The following TMPRSS5 variants were observed in gnomAD, a reference collection of about 807,000 sequenced individuals.
TMPRSS5 encodes transmembrane protease serine 5.
Under a neutral mutation model 59.7 loss-of-function variants are expected in TMPRSS5, and 45 were observed. That is an observed-to-expected ratio of 0.75 (90% CI 0.59 to 0.97). TMPRSS5 has a LOEUF of 0.97. Ranked by LOEUF, TMPRSS5 falls within the 50% of genes least tolerant of loss-of-function variation. TMPRSS5 has a pLI of 0.00. For synonymous variants in TMPRSS5, 225 were observed against 232.0 expected, an observed-to-expected ratio of 0.97 and a Z score of 0.27; for missense variants, 585 against 596.7, an observed-to-expected ratio of 0.98 and a Z score of 0.20.
chr11:113,699,743 G>T, intron 2 of TMPRSS5, 50 bp from the exon 3 acceptor site: 1 of 1,527,640 alleles, frequency 6.5e-7, no homozygotes, highest in Non-Finnish European at 8.9e-7. Flanking sequence ...CTGCCAGCCT[G>T]CCTTACTTCA....
At position 113,696,897 on chromosome 11, in the gene TMPRSS5, G is replaced by A; in HGVS notation, c.539C>T (p.Pro180Leu). Residue 180 changes from proline (P) to leucine (L), a missense_variant, in exon 6 of 13, where the codon CCT (proline) becomes CTT (leucine). By Grantham distance (98) the Pro-to-Leu change is moderately conservative. Transcript: ENST00000299882. The part of the protein sequence containing the change: ...NSSQEFAQLS[P>L]RLGGFLEEAW... Reference sequence around the variant, plus strand: ...CTCCTCCAGGAAGCCTCCCAGTCTAGGAGAGAGCTGAGCAAACTCCTGGGA... The same window carrying A: ...CTCCTCCAGGAAGCCTCCCAGTCTAAGAGAGAGCTGAGCAAACTCCTGGGA... The A allele has an allele frequency of 6.3e-7, 1 of 1,575,776 alleles. No individual in the cohort carries two copies. The highest frequency in any genetic ancestry group is 8.6e-7 in the Non-Finnish European group (1 of 1,159,896).
At position 113,690,525 on chromosome 11, in the gene TMPRSS5, T is replaced by C. The variant is rs11601435; in HGVS notation, c.1064-152A>G. Among the ~76,000 whole-genome samples the C allele has an allele frequency of 0.17, 25,346 of 151,678 alleles. 2,179 individuals are homozygous for C. The highest frequency in any genetic ancestry group is 0.19 in the Middle Eastern group (56 of 294). On this transcript the variant is annotated intron_variant, in intron 10 of 12. Coordinates refer to ENST00000299882, the MANE Select transcript of TMPRSS5 (RefSeq NM_030770.4). ...CTGTGGACGCTGAGCAAGGAAGCAG[T>C]AGGCTATCGGACTTGGGGGCTGGGA...
At chr11:113,700,735 G>A (rs1445447936) in intron 1 of TMPRSS5, among the ~76,000 whole-genome samples, 1 of 152,202 alleles carries the variant, frequency 6.6e-6, no homozygotes, top group African/African-American at 2.4e-5. Context: ...GATAAGTCAT[G>A]TAAAGCACTA....
chr11:113,699,756 C>G, intron 2 of TMPRSS5, 63 bp from the exon 3 acceptor site: 1 of 1,509,358 alleles, frequency 6.6e-7, no homozygotes, highest in East Asian at 2.5e-5. Context: ...TTACTTCACC[C>G]TAAGTCACCA....
chr11:113,690,497 G>C lies in TMPRSS5; in HGVS notation c.1064-124C>G, dbSNP rs536559824. ...ACCCAAAGAGGCGAGCCCAGGGTGG[G>C]AGCTGTGGACGCTGAGCAAGGAAGC... On this transcript the variant is annotated intron_variant, in intron 10 of 12. Coordinates refer to ENST00000299882, the MANE Select transcript of TMPRSS5 (RefSeq NM_030770.4). The C allele has an allele frequency of 1.5e-4, 212 of 1,413,018 alleles. 9 individuals carry two copies. In the South Asian group the frequency reaches 2.8e-3, roughly 19 times the overall value. The allele number at this position is 1,413,018 out of a possible 1,614,324, so 87.5% of individuals were successfully genotyped here.
At position 113,706,215 on chromosome 11, in the gene TMPRSS5, AC is replaced by A. The variant is rs1565269878; in HGVS notation, c.3+6del. On this transcript the variant is annotated splice_donor_region_variant and intron_variant, in intron 1 of 12. Transcript: ENST00000299882. ...ACAGCAGGGATGGCACAGAGACGTA[AC>A]CTTACCATAGGGGTCAGTGGCACTG... 2.5e-6 allele frequency: 4 copies of A among 1,601,054 alleles called. No individual in the cohort carries two copies. Among genetic ancestry groups the A allele is most frequent in the Non-Finnish European group, 3.4e-6 (4 of 1,174,062 alleles).
chr11:113,695,252 A>G, intron 7 of TMPRSS5, 148 bp downstream of exon 7: 1 of 787,672 alleles, frequency 1.3e-6, no homozygotes, highest in South Asian at 1.7e-5. Flanking sequence ...AGCAACTGCA[A>G]GAAGGGGCCT....
chr11:113,690,761 G>T, intron 10 of TMPRSS5, 80 bp downstream of exon 10: 1 of 1,271,992 alleles, frequency 7.9e-7, no homozygotes, highest in Non-Finnish European at 1.1e-6. Flanking sequence ...ATGTGGCCAG[G>T]GGATGTGGCC....
At position 113,693,083 on chromosome 11, in the gene TMPRSS5, G is replaced by A. The variant is rs746324106; in HGVS notation, c.952C>T (p.Leu318Phe). The change falls in exon 9 of 13, where the codon CTC becomes TTC. Residue 318 changes from leucine to phenylalanine, a missense_variant. Leu to Phe is a conservative substitution (Grantham distance 22). Transcript: ENST00000299882. The stretch of plus-strand genomic sequence containing the variant: ...GCCAGTGCCGCACCTGAGAAGTTGA[G>A]AGCGGTCTGGAGCCTCAGGAGGGCG... ...DVALLRLQTA[L>F]NFSDTVGAVC... is the part of the protein sequence containing the mutation. The A allele has an allele frequency of 4.5e-6, 7 of 1,569,944 alleles. No individual in the cohort carries two copies. Among genetic ancestry groups the A allele is most frequent in the South Asian group, 1.2e-5 (1 of 85,314 alleles).
In TMPRSS5 at chr11:113,699,203, GTCTGTCTGTCTCTC is replaced by G. The variant is rs760228419; in HGVS notation, c.206-190_206-177del. On this transcript the variant is annotated intron_variant, in intron 3 of 12. Coordinates refer to ENST00000299882, the MANE Select transcript of TMPRSS5 (RefSeq NM_030770.4). ...ATCTCTGCCTCTTTGACTCTCCTTT[GTCTGTCTGTCTCTC>G]TCTCTCTCTCTCTCTCTCTCTCTCT... Among the ~76,000 whole-genome samples the G allele has an allele frequency of 9.6e-4, 35 of 36,418 alleles. 1 individual carries two copies. The highest frequency in any genetic ancestry group is 2.9e-3 in the African/African-American group (18 of 6,248). 23.9% of individuals were successfully genotyped at this position (36,418 alleles called of 152,430 possible).
intron 1 of TMPRSS5, 75 bp from the exon 2 acceptor site, chr11:113,700,243 T>G: frequency 1.5e-6 from 2 of 1,315,538 alleles, no homozygotes; most frequent in Non-Finnish European, 2.0e-6. Context: ...CCAGTCCAAG[T>G]CCCCATTCTT....
chr11:113,691,558 T>C (rs1342292381), intron 9 of TMPRSS5, among the ~76,000 whole-genome samples: 3 of 152,180 alleles, frequency 2.0e-5, no homozygotes, highest in Non-Finnish European at 2.9e-5. Flanking sequence ...TGATTTCTTT[T>C]CATGCTACAT....
chr11:113,693,218 C>T lies in TMPRSS5; in HGVS notation c.817G>A (p.Val273Ile). The T allele has an allele frequency of 3.8e-6, 6 of 1,584,592 alleles. No homozygotes were observed. Among genetic ancestry groups the T allele is most frequent in the South Asian group, 1.1e-5 (1 of 87,062 alleles). The change falls in exon 9 of 13, where the codon GTT (valine) becomes ATT (isoleucine). Residue 273 changes from valine to isoleucine, a missense_variant. By Grantham distance (29) the Val-to-Ile change is conservative. Coordinates refer to ENST00000299882, the MANE Select transcript of TMPRSS5 (RefSeq NM_030770.4). Reference protein sequence around the residue: ...FRLARLSSWRVHAGLVSHSAV... With the variant: ...FRLARLSSWRIHAGLVSHSAV... ...CTGTGGCTGACCAGCCCCGCATGAA[C>T]CCGCCAGCTGGACAGGCGGGCCAGC... is the stretch of plus-strand genomic sequence containing the variant.
At chr11:113,692,389 CG>C (rs1300403204) in intron 9 of TMPRSS5, among the ~76,000 whole-genome samples, 1 of 152,074 alleles carries the variant, frequency 6.6e-6, no homozygotes, top group East Asian at 1.9e-4. Context: ...CATGTGAGCA[CG>C]TACATGTGAG....
intron 11 of TMPRSS5, 54 bp downstream of exon 11, chr11:113,690,177 C>CCCCCCCCCCCCCCCCCCCCCCCCA: frequency 2.3e-6 from 1 of 438,274 alleles, no homozygotes; most frequent in Non-Finnish European, 4.2e-6. Context: ...AGGCCCCCTG[C>CCCCCCCCCCCCCCCCCCCCCCCCA]CCTCCCACCC....
In TMPRSS5 at chr11:113,699,013, G is replaced by A. The variant is rs779197319; in HGVS notation, c.220C>T (p.Pro74Ser). The A allele has an allele frequency of 6.2e-6, 10 of 1,611,642 alleles. No homozygotes were observed. In the South Asian group the frequency reaches 1.0e-4, roughly 16 times the overall value. ...CCGGAAATGGGCTGAGAGGCAGCAG[G>A]ACACAGATACAGCACTTTAGAGAAG... Reference protein sequence around the residue: ...GSWLLVLYLCPAASQPISGTL... With the variant: ...GSWLLVLYLCSAASQPISGTL... Residue 74 changes from proline to serine, a missense_variant, in exon 4 of 13, where the codon CCT (proline) becomes TCT (serine). Transcript: ENST00000299882.
intron 9 of TMPRSS5, among the ~76,000 whole-genome samples, chr11:113,692,231 T>G (rs546540525): frequency 1.4e-5 from 2 of 146,778 alleles, no homozygotes; most frequent in East Asian, 4.0e-4. Flanking sequence ...GTGATACAAT[T>G]TGTGAAATGT....
rs759771983 is a variant in TMPRSS5 at position 113,690,237 on chromosome 11, T to A, written c.1200A>T (p.Ala400=). ...CAGYLDGRAD[A]CQGDSGGPLV... Reference sequence around the variant, plus strand: ...CAGCCACCACAGGCCACACCTGGCATGCATCAGCCCTTCCGTCCAGGTAGC... The same window carrying A: ...CAGCCACCACAGGCCACACCTGGCAAGCATCAGCCCTTCCGTCCAGGTAGC... Residue 400 remains alanine, a synonymous_variant, in exon 11 of 13, where the codon GCA becomes GCT. Coordinates refer to ENST00000299882, the MANE Select transcript of TMPRSS5 (RefSeq NM_030770.4). 635 of 1,391,310 alleles carry A rather than the reference T, an allele frequency of 4.6e-4. 1 individual carries two copies. Among genetic ancestry groups the A allele is most frequent in the Non-Finnish European group, 5.6e-4 (589 of 1,049,726 alleles). The allele number at this position is 1,391,310 out of a possible 1,614,324, so 86.2% of individuals were successfully genotyped here. A position where few individuals can be genotyped will look rare whatever the true frequency, so the allele number is the denominator to read the frequency against.
At chr11:113,700,198 T>C (rs1313771935) in intron 1 of TMPRSS5, 30 bp from the exon 2 acceptor site, 2 of 1,495,210 alleles carry the variant, frequency 1.3e-6, no homozygotes, top group African/African-American at 1.4e-5. Flanking sequence ...ACACCCAGGA[T>C]CCCCACATCA....
Sources: gnomAD v4.1 joint callset for allele counts (sites outside exome capture counted in the v4.1 genomes callset) on GRCh38, gnomAD v4.1.1 for gene constraint, MANE v1.5 for transcripts, NCBI Gene and HGNC (gene_info 2026-07-23, HGNC 2026-07-21) for gene names.